Variants in ANOS1 observed in about 807,000 individuals in gnomAD.
ANOS1 encodes anosmin 1.
ANOS1 carries 6 observed loss-of-function variants against 59.0 expected under a neutral mutation model. The ratio of observed to expected loss-of-function variants is 0.10; its 90% CI spans 0.06 to 0.20. The LOEUF (loss-of-function observed/expected upper bound fraction) is 0.20. Among genes scored for constraint, ANOS1 ranks in the 10% least tolerant of loss-of-function variants. The pLI, the probability that ANOS1 is intolerant of heterozygous loss-of-function variation, is 1.00. For synonymous variants in ANOS1, 217 were observed against 223.4 expected, an observed-to-expected ratio of 0.97 and a Z score of 0.25; for missense variants, 433 against 542.3, an observed-to-expected ratio of 0.80 and a Z score of 2.00.
chrX:8,559,390 A>G (rs1312701260), intron 8 of ANOS1, among the ~76,000 whole-genome samples: 1 of 111,624 alleles, frequency 9.0e-6, no homozygotes, highest in African/African-American at 3.3e-5. Flanking sequence ...ATTCGTTGCA[A>G]CGTAGGACAC....
intron 1 of ANOS1, among the ~76,000 whole-genome samples, chrX:8,703,625 T>C (rs147468135): frequency 8.1e-5 from 9 of 111,314 alleles, no homozygotes; most frequent in African/African-American, 2.9e-4. Flanking sequence ...AGGAACAAGA[T>C]GCACACTCGA....
At chrX:8,717,989 G>A (rs1050986972) in intron 1 of ANOS1, among the ~76,000 whole-genome samples, 1 of 110,193 alleles carries the variant, frequency 9.1e-6, no homozygotes. Flanking sequence ...TTGAGCCAGG[G>A]AGTTTGAGGC....
At chrX:8,730,487 G>A (rs1286400200) in intron 1 of ANOS1, among the ~76,000 whole-genome samples, 1 of 112,755 alleles carries the variant, frequency 8.9e-6, no homozygotes, top group African/African-American at 3.2e-5. Context: ...GCCGGTTCAA[G>A]ATCATCCCCG....
intron 9 of ANOS1, among the ~76,000 whole-genome samples, chrX:8,550,381 G>T (rs949610852): frequency 8.9e-6 from 1 of 111,776 alleles, no homozygotes; most frequent in Non-Finnish European, 1.9e-5. Context: ...CATGTTTGTA[G>T]ATTGGAACAC....
intron 3 of ANOS1, among the ~76,000 whole-genome samples, chrX:8,600,643 T>G (rs1930825212): frequency 8.9e-6 from 1 of 112,362 alleles, no homozygotes; most frequent in Admixed American, 9.5e-5. Context: ...GGCTTTTATC[T>G]CTTACTCTAT....
intron 3 of ANOS1, among the ~76,000 whole-genome samples, chrX:8,597,562 T>C (rs921366813): frequency 9.1e-6 from 1 of 109,916 alleles, no homozygotes; most frequent in African/African-American, 3.3e-5. Context: ...AAACTGATTA[T>C]AGTCACAAAA....
rs143013044 is a variant in ANOS1 at position 8,668,088 on chromosome X, G to C, written c.255+31610C>G. On this transcript the variant is annotated intron_variant, in intron 2 of 13. Transcript: ENST00000262648. ...GAACAGGTGGTATTTGGTTACATGA[G>C]TAAGTTCTTTAGTGGTGATTTGTGA... Among the ~76,000 whole-genome samples the C allele has an allele frequency of 6.4e-4, 69 of 108,660 alleles. 1 individual carries two copies. In the East Asian group the frequency reaches 0.019, roughly 30 times the overall value. 94.4% of individuals were successfully genotyped at this position (108,660 alleles called of 115,157 possible). A position where few individuals can be genotyped will look rare whatever the true frequency, so the allele number is the denominator to read the frequency against.
chrX:8,575,305 C>T (rs1450280449), intron 6 of ANOS1, among the ~76,000 whole-genome samples: 1 of 112,233 alleles, frequency 8.9e-6, no homozygotes, highest in East Asian at 2.8e-4. Context: ...ACAACTGAAT[C>T]GTCACTTCAA....
intron 2 of ANOS1, among the ~76,000 whole-genome samples, chrX:8,624,663 A>G (rs1931361214): frequency 1.8e-5 from 2 of 111,595 alleles, no homozygotes; most frequent in Non-Finnish European, 1.9e-5. Flanking sequence ...ATTCTAATAA[A>G]TCAAAGACAC....
chrX:8,563,949 G>T (rs190725872), intron 8 of ANOS1, among the ~76,000 whole-genome samples: 47 of 111,786 alleles, frequency 4.2e-4, no homozygotes, highest in African/African-American at 1.3e-3. Flanking sequence ...TGAGATGCCT[G>T]TGTGACATTC....
intron 4 of ANOS1, among the ~76,000 whole-genome samples, chrX:8,594,209 G>T (rs759707946): frequency 3.6e-5 from 4 of 110,840 alleles, no homozygotes; most frequent in Admixed American, 9.6e-5. Flanking sequence ...AAACTACACA[G>T]ACCTAGCAGA....
chrX:8,699,459 C>T (rs1356646297), intron 2 of ANOS1, among the ~76,000 whole-genome samples: 1 of 111,840 alleles, frequency 8.9e-6, no homozygotes, highest in Non-Finnish European at 1.9e-5. Flanking sequence ...ATCTTGATGG[C>T]AGTGGTAGCT....
intron 8 of ANOS1, among the ~76,000 whole-genome samples, chrX:8,562,101 C>T (rs1310739534): frequency 3.6e-4 from 39 of 109,413 alleles, no homozygotes; most frequent in African/African-American, 1.3e-3. Context: ...TCACCATGGC[C>T]GGCTAATTTT....
intron 8 of ANOS1, chrX:8,566,086 G>T: frequency 2.7e-5 from 20 of 754,315 alleles, no homozygotes; most frequent in Non-Finnish European, 3.1e-5. Context: ...CGTTTGTGTG[G>T]AATGATGTCC....
rs1175712599 is a variant in ANOS1 at position 8,646,378 on chromosome X, T to C, written c.256-22708A>G. ...CACCTGTAGTAGCCGCCACCTGTAG[T>C]AGGCAGATAAAGTAGGATTTTGTGG... is the stretch of plus-strand genomic sequence containing the variant. On this transcript the variant is annotated intron_variant, in intron 2 of 13. Coordinates refer to ENST00000262648, the MANE Select transcript of ANOS1 (RefSeq NM_000216.4). Among the ~76,000 whole-genome samples, 4 of 110,967 alleles carry C rather than the reference T, an allele frequency of 3.6e-5. No individual in the cohort carries two copies. In the East Asian group the frequency reaches 1.1e-3, roughly 32 times the overall value.
intron 9 of ANOS1, 124 bp downstream of exon 9, chrX:8,553,828 T>G (rs1195198507): frequency 3.4e-6 from 2 of 580,591 alleles, no homozygotes; most frequent in Non-Finnish European, 5.7e-6. Flanking sequence ...TCATTCAGAC[T>G]TGTGTTCAAC....
intron 1 of ANOS1, among the ~76,000 whole-genome samples, chrX:8,721,504 C>G (rs985011948): frequency 8.9e-6 from 1 of 112,015 alleles, no homozygotes; most frequent in Non-Finnish European, 1.9e-5. Flanking sequence ...CTGTAAAATG[C>G]AATGCTAAAT....
intron 1 of ANOS1, among the ~76,000 whole-genome samples, chrX:8,712,927 T>C (rs1932820403): frequency 8.9e-6 from 1 of 111,756 alleles, no homozygotes; most frequent in African/African-American, 3.3e-5. Context: ...CCTTCAGCTT[T>C]ATGTTCCTGA....
intron 2 of ANOS1, among the ~76,000 whole-genome samples, chrX:8,626,718 A>G (rs1931400220): frequency 9.3e-6 from 1 of 107,925 alleles, no homozygotes; most frequent in Non-Finnish European, 1.9e-5. Context: ...AAAATTATCC[A>G]GGCGTGGTGG....
Sources: allele counts gnomAD v4.1 joint callset (sites outside exome capture counted in the v4.1 genomes callset), GRCh38; gene constraint gnomAD v4.1.1; transcripts MANE v1.5; gene names NCBI Gene and HGNC (gene_info 2026-07-23, HGNC 2026-07-21).